The following WDR70 variants were observed in gnomAD, a reference collection of about 807,000 sequenced individuals.
The protein encoded by WDR70 is WD repeat domain 70, also known as WD repeat-containing protein 70.
In WDR70, 53 loss-of-function variants were observed where a neutral mutation model predicts 88.6. The ratio of observed to expected loss-of-function variants is 0.60; its 90% CI spans 0.48 to 0.75. The LOEUF is 0.75. WDR70 is among the 30% of genes least tolerant of loss of function. The pLI is 0.00. For missense variants in WDR70, 610 were observed against 823.2 expected, an observed-to-expected ratio of 0.74 and a Z score of 3.17; for synonymous variants, 280 against 270.0, an observed-to-expected ratio of 1.04 and a Z score of -0.36.
chr5:37,559,346 C>T (rs661097), intron 9 of WDR70, among the ~76,000 whole-genome samples: 4,014 of 152,228 alleles, frequency 0.026, 189 homozygotes, highest in African/African-American at 0.091. Context: ...TAGCCCTTCT[C>T]TACTCTTCCA....
intron 9 of WDR70, among the ~76,000 whole-genome samples, chr5:37,599,628 A>G (rs1395811613): frequency 6.6e-6 from 1 of 152,176 alleles, no homozygotes; most frequent in African/African-American, 2.4e-5. Flanking sequence ...GTGGTGGCTC[A>G]CGCCTATAAT....
chr5:37,408,096 T>A (rs1014266759), intron 5 of WDR70, among the ~76,000 whole-genome samples: 1 of 152,144 alleles, frequency 6.6e-6, no homozygotes, highest in African/African-American at 2.4e-5. Flanking sequence ...GTCTGTCTTT[T>A]TTTCTGCCAT....
Position 37,447,193 on chromosome 5 carries a change from A to G in WDR70, c.686+3821A>G, listed in dbSNP as rs1245915970. Among the ~76,000 whole-genome samples, 4 of 152,266 alleles carry G rather than the reference A, an allele frequency of 2.6e-5. No individual in the cohort carries two copies. In the East Asian group the frequency reaches 5.8e-4, roughly 22 times the overall value. On this transcript the variant is annotated intron_variant, in intron 7 of 17. Transcript: ENST00000265107. ...CCAACAGACACATGAAAAAATGCTCATCATCATTGGCCATTAGAGAAATGC... is the reference window on the plus strand; with the variant it reads ...CCAACAGACACATGAAAAAATGCTCGTCATCATTGGCCATTAGAGAAATGC...
intron 7 of WDR70, among the ~76,000 whole-genome samples, chr5:37,447,454 T>C (rs1267836502): frequency 6.6e-6 from 1 of 152,180 alleles, no homozygotes; most frequent in Non-Finnish European, 1.5e-5. Flanking sequence ...CCCAAAGGAT[T>C]ATAAATCATG....
intron 9 of WDR70, among the ~76,000 whole-genome samples, chr5:37,519,701 G>T (rs1357387054): frequency 6.6e-6 from 1 of 151,782 alleles, no homozygotes; most frequent in Non-Finnish European, 1.5e-5. Flanking sequence ...CCGGGCAGAG[G>T]CGCTCCTCAC....
At chr5:37,475,846 T>A (rs1182448983) in intron 7 of WDR70, among the ~76,000 whole-genome samples, 2 of 147,576 alleles carry the variant, frequency 1.4e-5, no homozygotes, top group African/African-American at 5.1e-5. Flanking sequence ...ATTACATATT[T>A]TTTTTTTTTT....
chr5:37,704,143 T>C (rs752990908), intron 13 of WDR70, among the ~76,000 whole-genome samples: 1 of 152,252 alleles, frequency 6.6e-6, no homozygotes, highest in Non-Finnish European at 1.5e-5. Flanking sequence ...TGAGTACTTA[T>C]GTTTAATAGA....
chr5:37,690,783 A>G (rs981207457), intron 10 of WDR70, among the ~76,000 whole-genome samples: 1 of 152,232 alleles, frequency 6.6e-6, no homozygotes, highest in Non-Finnish European at 1.5e-5. Context: ...CATCGATGCT[A>G]TGAAGAAACT....
intron 17 of WDR70, among the ~76,000 whole-genome samples, chr5:37,731,558 T>A (rs955235172): frequency 1.3e-5 from 2 of 152,150 alleles, no homozygotes. Context: ...GTGTTGACAC[T>A]TCTGTTTTTA....
At chr5:37,505,646 A>C in intron 8 of WDR70, 1 of 787,880 alleles carries the variant, frequency 1.3e-6, no homozygotes, top group Non-Finnish European at 2.3e-6. Flanking sequence ...TGATAAGGAA[A>C]ATGTTTTCAT....
chr5:37,663,766 G>A (rs1425116538), intron 10 of WDR70, among the ~76,000 whole-genome samples: 2 of 152,120 alleles, frequency 1.3e-5, no homozygotes, highest in Admixed American at 1.3e-4. Context: ...CAGTCGCCAA[G>A]GAAGAGGTCT....
chr5:37,721,815 A>G (rs1450915964), intron 14 of WDR70: 2 of 152,404 alleles, frequency 1.3e-5, no homozygotes, highest in African/African-American at 4.8e-5. Context: ...AAAGATGGAT[A>G]TGTGTCATCA....
At chr5:37,601,967 G>A (rs1238163753) in intron 9 of WDR70, among the ~76,000 whole-genome samples, 3 of 148,688 alleles carry the variant, frequency 2.0e-5, no homozygotes, top group Non-Finnish European at 4.4e-5. Context: ...AGTAACACAG[G>A]AACAGAAAAC....
chr5:37,593,706 A>G (rs988747469), intron 9 of WDR70, among the ~76,000 whole-genome samples: 3 of 152,154 alleles, frequency 2.0e-5, no homozygotes, highest in Non-Finnish European at 2.9e-5. Flanking sequence ...CTAGTTCTAG[A>G]TCCTTGAGGA....
At chr5:37,521,711 C>CACAG (rs1279852891) in intron 9 of WDR70, among the ~76,000 whole-genome samples, 4 of 140,784 alleles carry the variant, frequency 2.8e-5, no homozygotes, top group Non-Finnish European at 3.0e-5. Flanking sequence ...TATACACACA[C>CACAG]ACACACACAC....
rs551421939 is a variant in WDR70 at position 37,532,000 on chromosome 5, C to T, written c.917+15410C>T. Among the ~76,000 whole-genome samples the T allele has an allele frequency of 1.1e-4, 16 of 152,088 alleles. No homozygotes were observed. In the South Asian group the frequency reaches 3.3e-3, roughly 32 times the overall value. On this transcript the variant is annotated intron_variant, in intron 9 of 17. Transcript: ENST00000265107. ...TTTTTTTATCTAGAAAAGACTGTAC[C>T]TTTCCTTCATTTATGAAGCTTAGTT... is the stretch of plus-strand genomic sequence containing the variant.
intron 8 of WDR70, among the ~76,000 whole-genome samples, chr5:37,511,811 T>C (rs1290310364): frequency 6.6e-6 from 1 of 152,210 alleles, no homozygotes; most frequent in East Asian, 1.9e-4. Context: ...CCCCAGCACA[T>C]TTCCTCCTTG....
At chr5:37,441,177 A>T (rs1750642428) in intron 6 of WDR70, among the ~76,000 whole-genome samples, 1 of 152,228 alleles carries the variant, frequency 6.6e-6, no homozygotes, top group African/African-American at 2.4e-5. Context: ...ATGAACGTAG[A>T]GGCAAGTGAG....
At chr5:37,608,961 T>C (rs1185974654) in intron 10 of WDR70, among the ~76,000 whole-genome samples, 1 of 152,214 alleles carries the variant, frequency 6.6e-6, no homozygotes, top group Non-Finnish European at 1.5e-5. Context: ...AGACAGTGCC[T>C]AGTATATAGC....
Sources: allele counts gnomAD v4.1 joint callset (sites outside exome capture counted in the v4.1 genomes callset), GRCh38; gene constraint gnomAD v4.1.1; transcripts MANE v1.5; gene names NCBI Gene and HGNC (gene_info 2026-07-23, HGNC 2026-07-21).